Variants in PTPRG observed in about 807,000 individuals in gnomAD.
PTPRG encodes protein tyrosine phosphatase receptor type G.
A neutral mutation model predicts 165.3 loss-of-function variants in PTPRG; 102 were observed. That is an observed-to-expected ratio of 0.62 (90% CI 0.53 to 0.73). The LOEUF is 0.73. PTPRG is among the 30% of genes least tolerant of loss of function. PTPRG has a pLI of 0.00. For missense variants in PTPRG, 1,866 were observed against 1,861.4 expected (o/e 1.00, Z -0.05); for synonymous variants, 675 against 669.5 (o/e 1.01, Z -0.13).
intron 4 of PTPRG, among the ~76,000 whole-genome samples, chr3:62,019,981 G>A (rs6445247): frequency 0.28 from 43,041 of 151,706 alleles, 6,247 homozygotes; most frequent in East Asian, 0.35. Context: ...TAGAAATCTC[G>A]GTGGAGTCTA....
intron 4 of PTPRG, among the ~76,000 whole-genome samples, chr3:62,011,760 G>A (rs750560633): frequency 6.6e-5 from 10 of 151,748 alleles, no homozygotes; most frequent in Non-Finnish European, 1.2e-4. Flanking sequence ...CAAAGCAAGC[G>A]TGCAAGTTTT....
intron 4 of PTPRG, among the ~76,000 whole-genome samples, chr3:62,068,694 A>G (rs1031900498): frequency 3.9e-5 from 6 of 152,020 alleles, no homozygotes; most frequent in African/African-American, 7.3e-5. Flanking sequence ...AGGTCTCCCT[A>G]TGTTTCTCAG....
chr3:62,249,001 T>G (rs1701351310), intron 15 of PTPRG, among the ~76,000 whole-genome samples: 1 of 152,200 alleles, frequency 6.6e-6, no homozygotes, highest in Admixed American at 6.5e-5. Flanking sequence ...ATACAGAGAT[T>G]ATCTCCAAAA....
At chr3:62,074,352 C>CTTTTTTTTTTTTTT (rs200189646) in intron 4 of PTPRG, among the ~76,000 whole-genome samples, 45 of 109,106 alleles carry the variant, frequency 4.1e-4, no homozygotes, top group Non-Finnish European at 4.7e-4. Flanking sequence ...TCTTTTCTTT[C>CTTTTTTTTTTTTTT]TTTTTTTTTT....
chr3:62,071,767 C>G (rs189070353), intron 4 of PTPRG, among the ~76,000 whole-genome samples: 1 of 152,284 alleles, frequency 6.6e-6, no homozygotes, highest in African/African-American at 2.4e-5. Flanking sequence ...ACCCCACTTT[C>G]CTTCCTTAGG....
chr3:61,952,830 T>C (rs2039931938), intron 2 of PTPRG, among the ~76,000 whole-genome samples: 1 of 152,148 alleles, frequency 6.6e-6, no homozygotes, highest in Non-Finnish European at 1.5e-5. Flanking sequence ...TCTCCCCTAC[T>C]CACTGCCACC....
intron 1 of PTPRG, among the ~76,000 whole-genome samples, chr3:61,594,370 T>G (rs1240778089): frequency 6.6e-6 from 1 of 151,864 alleles, no homozygotes; most frequent in African/African-American, 2.4e-5. Flanking sequence ...GTGGACCAAG[T>G]GTGAATTGAC....
Position 61,939,390 on chromosome 3 carries a change from G to GT in PTPRG, c.191-50234dup, listed in dbSNP as rs1304230584. On this transcript the variant is annotated intron_variant, in intron 2 of 29. Transcript: ENST00000474889. Reference sequence around the variant, plus strand: ...ATATGCACAGGGCTCATAAAAAGTCGTAAGTGATGGAACCTAAAGAAAAAG... The same window carrying GT: ...ATATGCACAGGGCTCATAAAAAGTCGTTAAGTGATGGAACCTAAAGAAAAAG... Among the ~76,000 whole-genome samples the GT allele has an allele frequency of 2.0e-5, 3 of 152,268 alleles. No homozygotes were observed. The East Asian group carries it at 5.8e-4, about 29-fold the overall frequency.
intron 1 of PTPRG, among the ~76,000 whole-genome samples, chr3:61,668,381 A>G (rs979183619): frequency 3.3e-5 from 5 of 152,176 alleles, no homozygotes; most frequent in African/African-American, 1.2e-4. Flanking sequence ...TGAACTCTCT[A>G]TAGTACTCTA....
chr3:61,644,559 C>T (rs371519433), intron 1 of PTPRG, among the ~76,000 whole-genome samples: 4 of 152,048 alleles, frequency 2.6e-5, no homozygotes, highest in Non-Finnish European at 4.4e-5. Flanking sequence ...ACTAAGGATA[C>T]GCATCTCGTA....
At chr3:61,979,857 T>G (rs2040598186) in intron 2 of PTPRG, among the ~76,000 whole-genome samples, 1 of 152,200 alleles carries the variant, frequency 6.6e-6, no homozygotes, top group African/African-American at 2.4e-5. Flanking sequence ...GTGAAGTGTT[T>G]CCTAGTCCCA....
intron 1 of PTPRG, among the ~76,000 whole-genome samples, chr3:61,603,860 C>CGAGA (rs564666611): frequency 1.8e-3 from 270 of 152,292 alleles, no homozygotes; most frequent in African/African-American, 6.3e-3. Context: ...GTGTCTCTCT[C>CGAGA]CCCTTACTAT....
chr3:61,721,757 G>T lies in PTPRG; in HGVS notation c.86-27121G>T, dbSNP rs143243954. ...TCCATGTGTCACCTGGGATGCTCTC[G>T]GTTCAAGTAAGGGAAGACCCAACTC... On this transcript the variant is annotated intron_variant, in intron 1 of 29. Coordinates refer to ENST00000474889, the MANE Select transcript of PTPRG (RefSeq NM_002841.4). Among the ~76,000 whole-genome samples, 176 of 151,974 alleles carry T rather than the reference G, an allele frequency of 1.2e-3. 1 individual carries two copies. The highest frequency in any genetic ancestry group is 3.9e-3 in the African/African-American group (162 of 41,454).
At chr3:61,613,325 C>T (rs749093449) in intron 1 of PTPRG, among the ~76,000 whole-genome samples, 7 of 152,082 alleles carry the variant, frequency 4.6e-5, no homozygotes, top group African/African-American at 7.2e-5. Context: ...GCAAAGCCAG[C>T]GTTCCTTTAA....
intron 4 of PTPRG, among the ~76,000 whole-genome samples, chr3:62,044,572 C>T (rs1700229869): frequency 6.6e-6 from 1 of 151,870 alleles, no homozygotes; most frequent in African/African-American, 2.4e-5. Flanking sequence ...CTAAGGAATG[C>T]TTACCTCATG....
At chr3:61,956,315 C>A (rs1433251876) in intron 2 of PTPRG, among the ~76,000 whole-genome samples, 1 of 151,794 alleles carries the variant, frequency 6.6e-6, no homozygotes, top group Non-Finnish European at 1.5e-5. Flanking sequence ...CACACGCTTA[C>A]TACATATTCA....
chr3:62,271,672 C>G lies in PTPRG; in HGVS notation c.3182+117C>G. 1 of 918,938 alleles carries G rather than the reference C, an allele frequency of 1.1e-6. No homozygotes were observed. Among genetic ancestry groups the G allele is most frequent in the South Asian group, 1.9e-5 (1 of 51,742 alleles). The allele number at this position is 918,938 out of a possible 1,614,324, so 56.9% of individuals were successfully genotyped here. ...TAGAAGCTGAATCTTCCACTGGAAACTGGGATGGATAAGACCTATGATAGT... is the reference window on the plus strand; with the variant it reads ...TAGAAGCTGAATCTTCCACTGGAAAGTGGGATGGATAAGACCTATGATAGT... On this transcript the variant is annotated intron_variant, in intron 21 of 29. Coordinates refer to ENST00000474889, the MANE Select transcript of PTPRG (RefSeq NM_002841.4). The surrounding 1 kb of genome is among the most constrained non-coding windows in gnomAD (Gnocchi z 4.1).
chr3:62,142,009 G>C (rs1230358236), intron 6 of PTPRG, among the ~76,000 whole-genome samples: 1 of 151,314 alleles, frequency 6.6e-6, no homozygotes, highest in African/African-American at 2.4e-5. Context: ...TAAAGACGTA[G>C]TGGTGCAGTC....
intron 6 of PTPRG, among the ~76,000 whole-genome samples, chr3:62,152,924 T>C (rs1233867211): frequency 6.6e-6 from 1 of 152,264 alleles, no homozygotes; most frequent in Non-Finnish European, 1.5e-5. Context: ...TATTTTTGTA[T>C]GGCCCCTGGG....
Sources: gnomAD v4.1 joint callset for allele counts (sites outside exome capture counted in the v4.1 genomes callset) on GRCh38, gnomAD v4.1.1 for gene constraint, Gnocchi (gnomAD v3.1) non-coding constraint, MANE v1.5 for transcripts, NCBI Gene and HGNC (gene_info 2026-07-23, HGNC 2026-07-21) for gene names.